Variants in WDFY4 observed in about 807,000 individuals in gnomAD.
WDFY4 encodes the protein WD repeat- and FYVE domain-containing protein 4.
A neutral mutation model predicts 351.9 loss-of-function variants in WDFY4; 169 were observed. The ratio of observed to expected loss-of-function variants is 0.48; its 90% CI spans 0.42 to 0.55. WDFY4 has a LOEUF of 0.55. Ranked by LOEUF, WDFY4 falls within the 20% of genes least tolerant of loss-of-function variation. The pLI is 0.00. For synonymous variants in WDFY4, 1,622 were observed against 1,574.6 expected (o/e 1.03, Z -0.71); for missense variants, 3,803 against 3,935.6 (o/e 0.97, Z 0.90).
intron 12 of WDFY4, among the ~76,000 whole-genome samples, chr10:48,748,237 A>G (rs2065071375): frequency 3.3e-5 from 5 of 152,260 alleles, no homozygotes; most frequent in African/African-American, 1.2e-4. Context: ...GGTGAAGAAA[A>G]GCAATAGTAA....
intron 40 of WDFY4, among the ~76,000 whole-genome samples, chr10:48,873,106 C>G (rs1464773623): frequency 6.6e-6 from 1 of 152,208 alleles, no homozygotes; most frequent in Non-Finnish European, 1.5e-5. Context: ...AAAGTACATT[C>G]AGCTTCACTT....
In WDFY4 at chr10:48,981,483, G is replaced by A. The variant is rs1842802958; in HGVS notation, c.9488+5G>A. The A allele has an allele frequency of 6.4e-7, 1 of 1,551,442 alleles. No individual in the cohort carries two copies. On this transcript the variant is annotated splice_donor_5th_base_variant and intron_variant, in intron 61 of 61. Coordinates refer to ENST00000325239, the MANE Select transcript of WDFY4 (RefSeq NM_001394531.1). ...GACTGCTCTGGCCGTGTCCAGGTAA[G>A]CGCGGCCTTGTTTCTCTGGGTCTCC...
Position 48,974,527 on chromosome 10 carries a change from A to AAAAAAAAAAAAAAAAAAAAAAAAAC in WDFY4, c.8929-333_8929-332insAAAAAAAAAAAAAAAAAAAAAACAA. On this transcript the variant is annotated intron_variant, in intron 57 of 61. Transcript: ENST00000325239. ...CAAAAAAAAAAAAAAAAAAAAAAAAAAACAACTCATGACATGAACTGCTCC... is the reference window on the plus strand; with the variant it reads ...CAAAAAAAAAAAAAAAAAAAAAAAAAAAAAAAAAAAAAAAAAAAAAAAAACAACAACTCATGACATGAACTGCTCC... Among the ~76,000 whole-genome samples the AAAAAAAAAAAAAAAAAAAAAAAAAC allele has an allele frequency of 6.5e-4, 15 of 23,190 alleles. 3 individuals carry two copies. Among genetic ancestry groups the AAAAAAAAAAAAAAAAAAAAAAAAAC allele is most frequent in the African/African-American group, 1.0e-3 (14 of 13,802 alleles). The allele number at this position is 23,190 out of a possible 152,430, so 15.2% of individuals were successfully genotyped here. A position where few individuals can be genotyped will look rare whatever the true frequency, so the allele number is the denominator to read the frequency against.
chr10:48,779,350 C>T (rs1352814531), intron 18 of WDFY4, among the ~76,000 whole-genome samples: 6 of 152,364 alleles, frequency 3.9e-5, no homozygotes, highest in African/African-American at 1.4e-4. Flanking sequence ...TGGCTCTGCC[C>T]TTTGGAGCCC....
chr10:48,800,366 G>T (rs1300821586), intron 24 of WDFY4, among the ~76,000 whole-genome samples: 1 of 152,196 alleles, frequency 6.6e-6, no homozygotes, highest in East Asian at 1.9e-4. Context: ...GATGACTGGT[G>T]TGAAGCAGAC....
At chr10:48,777,037 T>G in intron 16 of WDFY4, 53 bp downstream of exon 16, 2 of 1,494,048 alleles carry the variant, frequency 1.3e-6, no homozygotes, top group Non-Finnish European at 1.8e-6. Context: ...TTGCAGTGCC[T>G]CTGATGAATT....
intron 2 of WDFY4, among the ~76,000 whole-genome samples, chr10:48,710,717 A>G (rs2063747106): frequency 6.6e-6 from 1 of 152,208 alleles, no homozygotes; most frequent in African/African-American, 2.4e-5. Context: ...TCAAATTGTG[A>G]CAATAATGCA....
intron 58 of WDFY4, 159 bp from the exon 59 acceptor site, chr10:48,976,638 G>C: frequency 3.9e-6 from 2 of 507,764 alleles, no homozygotes; most frequent in Non-Finnish European, 6.3e-6. Context: ...AAACACAGCA[G>C]ACCTGTAAGT....
intron 33 of WDFY4, 71 bp downstream of exon 33, chr10:48,820,508 G>T: frequency 6.7e-7 from 1 of 1,492,448 alleles, no homozygotes; most frequent in Middle Eastern, 1.8e-4. Flanking sequence ...GCAAGGGCAG[G>T]ATGCACCCAG....
chr10:48,686,495 A>G (rs575008640), intron 1 of WDFY4, among the ~76,000 whole-genome samples: 1 of 152,258 alleles, frequency 6.6e-6, no homozygotes, highest in South Asian at 2.1e-4. Context: ...AAGCAGCAAC[A>G]GTCCAGAATT....
intron 39 of WDFY4, among the ~76,000 whole-genome samples, chr10:48,855,797 A>C (rs1394131189): frequency 6.6e-6 from 1 of 152,122 alleles, no homozygotes; most frequent in Non-Finnish European, 1.5e-5. Flanking sequence ...AAAAATATTA[A>C]GTAGAAAAAT....
chr10:48,687,562 C>T (rs1345879361), intron 1 of WDFY4, among the ~76,000 whole-genome samples: 1 of 151,082 alleles, frequency 6.6e-6, no homozygotes, highest in Non-Finnish European at 1.5e-5. Flanking sequence ...TTCTGCTTTT[C>T]CCATATGGAT....
intron 13 of WDFY4, among the ~76,000 whole-genome samples, chr10:48,764,346 G>A (rs1259210183): frequency 6.6e-6 from 1 of 152,110 alleles, no homozygotes; most frequent in Admixed American, 6.5e-5. Flanking sequence ...TCTGCTTCTG[G>A]CATCATCATC....
At chr10:48,729,847 A>T (rs1040704432) in intron 8 of WDFY4, among the ~76,000 whole-genome samples, 1 of 152,114 alleles carries the variant, frequency 6.6e-6, no homozygotes, top group African/African-American at 2.4e-5. Flanking sequence ...ACTCTGCAAC[A>T]TTTGCTTATA....
intron 1 of WDFY4, among the ~76,000 whole-genome samples, chr10:48,691,022 GC>G (rs956086196): frequency 4.6e-5 from 7 of 152,150 alleles, no homozygotes; most frequent in African/African-American, 1.7e-4. Context: ...TGGTGCCCTG[GC>G]TGTTCATGCC....
intron 57 of WDFY4, among the ~76,000 whole-genome samples, chr10:48,974,421 T>C (rs945786767): frequency 7.0e-6 from 1 of 143,680 alleles, no homozygotes; most frequent in Non-Finnish European, 1.5e-5. Flanking sequence ...AAAGAATTGC[T>C]GTACCTGGGA....
chr10:48,900,925 C>T (rs1311218427), intron 46 of WDFY4, among the ~76,000 whole-genome samples: 3 of 152,100 alleles, frequency 2.0e-5, no homozygotes, highest in Non-Finnish European at 4.4e-5. Flanking sequence ...AAGGTCAGTT[C>T]CTCATCATTA....
At chr10:48,942,492 G>T (rs1377641798) in intron 48 of WDFY4, among the ~76,000 whole-genome samples, 2 of 152,196 alleles carry the variant, frequency 1.3e-5, no homozygotes, top group East Asian at 3.8e-4. Flanking sequence ...AGCCACATAG[G>T]GGGCAGAGCA....
intron 12 of WDFY4, among the ~76,000 whole-genome samples, chr10:48,752,083 T>G (rs1160356332): frequency 6.6e-6 from 1 of 152,186 alleles, no homozygotes; most frequent in Non-Finnish European, 1.5e-5. Context: ...GAACACCAGG[T>G]CAGGTGGGGG....
Sources: gnomAD v4.1 joint callset for allele counts (sites outside exome capture counted in the v4.1 genomes callset) on GRCh38, gnomAD v4.1.1 for gene constraint, MANE v1.5 for transcripts, NCBI Gene and HGNC (gene_info 2026-07-23, HGNC 2026-07-21) for gene names.